The following CNIH3 variants were observed in gnomAD, a reference collection of about 807,000 sequenced individuals.
The protein encoded by CNIH3 is cornichon family AMPA receptor auxiliary protein 3.
A neutral mutation model predicts 24.1 loss-of-function variants in CNIH3; 14 were observed. The ratio of observed to expected loss-of-function variants is 0.58; its 90% confidence interval spans 0.38 to 0.91. The LOEUF (loss-of-function observed/expected upper bound fraction) is 0.91. CNIH3 is among the 40% of genes least tolerant of loss of function. The pLI is 0.00. For missense variants in CNIH3, 178 were observed against 196.8 expected (o/e 0.90, Z 0.57); for synonymous variants, 68 against 73.8 (o/e 0.92, Z 0.40).
chr1:224,491,892 G>A (rs552256392), intron 1 of CNIH3, among the ~76,000 whole-genome samples: 15 of 152,186 alleles, frequency 9.9e-5, no homozygotes, highest in Admixed American at 2.0e-4. Context: ...ATAGGCATGA[G>A]CCACTGCACC....
intron 1 of CNIH3, among the ~76,000 whole-genome samples, chr1:224,450,893 G>A (rs939804953): frequency 3.9e-5 from 6 of 152,262 alleles, no homozygotes; most frequent in African/African-American, 1.4e-4. Flanking sequence ...CTTTGCCCAA[G>A]GCACACAGTT....
intron 1 of CNIH3, among the ~76,000 whole-genome samples, chr1:224,472,130 T>C (rs1379568149): frequency 2.0e-5 from 3 of 152,218 alleles, no homozygotes; most frequent in East Asian, 3.8e-4. Flanking sequence ...ATTTTTGTTT[T>C]TTTGAGGAAC....
intron 1 of CNIH3, among the ~76,000 whole-genome samples, chr1:224,483,599 G>T (rs1676903341): frequency 1.3e-5 from 2 of 150,214 alleles, no homozygotes; most frequent in African/African-American, 4.9e-5. Context: ...GTCTCACTAT[G>T]TTGGCCAGGC....
intron 4 of CNIH3, among the ~76,000 whole-genome samples, chr1:224,579,763 C>G (rs187283058): frequency 1.3e-5 from 2 of 152,298 alleles, no homozygotes; most frequent in East Asian, 1.9e-4. Flanking sequence ...CTTTCCCCCC[C>G]TCTCTCTTTC....
At chr1:224,671,257 G>A (rs1468900172) in intron 1 of CNIH3, among the ~76,000 whole-genome samples, 3 of 152,334 alleles carry the variant, frequency 2.0e-5, no homozygotes, top group South Asian at 2.1e-4. Context: ...ATGGGGTGGA[G>A]TTAGGGCAAG....
At chr1:224,735,137 G>A (rs997622123) in intron 5 of CNIH3, among the ~76,000 whole-genome samples, 3 of 152,090 alleles carry the variant, frequency 2.0e-5, no homozygotes, top group African/African-American at 4.8e-5. Flanking sequence ...CCATAACAGA[G>A]GCCCCAAACT....
intron 2 of CNIH3, among the ~76,000 whole-genome samples, chr1:224,533,918 A>AT (rs1276065177): frequency 6.6e-6 from 1 of 152,210 alleles, no homozygotes; most frequent in Admixed American, 6.5e-5. Flanking sequence ...TAATCCCAGC[A>AT]TTTTGGGAGG....
chr1:224,540,203 G>A (rs1445690027), downstream of CNIH3, among the ~76,000 whole-genome samples: 1 of 152,160 alleles, frequency 6.6e-6, no homozygotes, highest in Non-Finnish European at 1.5e-5. Flanking sequence ...CTGCACTCTC[G>A]TTTCATTTTG....
chr1:224,495,592 G>T (rs1016991506), intron 1 of CNIH3, among the ~76,000 whole-genome samples: 1 of 152,300 alleles, frequency 6.6e-6, no homozygotes, highest in African/African-American at 2.4e-5. Context: ...CAGCAGTGGT[G>T]TCACAAAGAC....
intron 1 of CNIH3, among the ~76,000 whole-genome samples, chr1:224,626,104 G>A (rs1448623239): frequency 6.6e-6 from 1 of 152,146 alleles, no homozygotes; most frequent in Non-Finnish European, 1.5e-5. Flanking sequence ...AGGACCTGGA[G>A]GGTCTTTAGA....
intron 3 of CNIH3, among the ~76,000 whole-genome samples, chr1:224,712,215 T>C (rs547814854): frequency 6.6e-6 from 1 of 152,346 alleles, no homozygotes; most frequent in African/African-American, 2.4e-5. Context: ...CCAAACCTGG[T>C]TGCATATGCA....
rs6677478 is a variant in CNIH3, at chr1:224,668,547, C to G, written c.82-12411C>G. Among the ~76,000 whole-genome samples the G allele has an allele frequency of 1.4e-3, 214 of 152,244 alleles. 1 individual carries two copies. Among genetic ancestry groups the G allele is most frequent in the African/African-American group, 4.6e-3 (192 of 41,526 alleles). On this transcript the variant is annotated intron_variant, in intron 1 of 5. Transcript: ENST00000272133. ...TCTTCTTGGAAGATACTTTGGGGAGCCTTTCTGATGCACATCCACACTTGG... is the reference window on the plus strand; with the variant it reads ...TCTTCTTGGAAGATACTTTGGGGAGGCTTTCTGATGCACATCCACACTTGG...
chr1:224,658,577 A>T (rs2125113694), intron 1 of CNIH3, among the ~76,000 whole-genome samples: 1 of 151,992 alleles, frequency 6.6e-6, no homozygotes, highest in Non-Finnish European at 1.5e-5. Flanking sequence ...TGGAATAGTT[A>T]TTCATTTAGC....
At chr1:224,727,841 A>G (rs1463356743) in intron 3 of CNIH3, among the ~76,000 whole-genome samples, 1 of 152,122 alleles carries the variant, frequency 6.6e-6, no homozygotes, top group South Asian at 2.1e-4. Context: ...TGTTCTAGGC[A>G]TAAGAGGTCA....
chr1:224,709,134 A>T (rs1050287101), intron 3 of CNIH3, among the ~76,000 whole-genome samples: 9 of 152,188 alleles, frequency 5.9e-5, no homozygotes, highest in Non-Finnish European at 1.3e-4. Flanking sequence ...AGTGTGAGCC[A>T]CTTGTGCTCC....
At chr1:224,737,820 G>A (rs960161612) in intron 5 of CNIH3, among the ~76,000 whole-genome samples, 10 of 152,292 alleles carry the variant, frequency 6.6e-5, no homozygotes, top group Middle Eastern at 3.4e-3. Flanking sequence ...GAACCGCATG[G>A]CACCCATCAC....
intron 5 of CNIH3, among the ~76,000 whole-genome samples, chr1:224,737,479 G>A (rs1689654998): frequency 6.6e-6 from 1 of 151,766 alleles, no homozygotes; most frequent in Non-Finnish European, 1.5e-5. Context: ...TGGCCCCTTG[G>A]TGCTCTTTGG....
At chr1:224,715,535 G>A (rs1688381548) in intron 3 of CNIH3, among the ~76,000 whole-genome samples, 1 of 152,152 alleles carries the variant, frequency 6.6e-6, no homozygotes, top group Non-Finnish European at 1.5e-5. Context: ...TTACTATCAA[G>A]GAATACCTGA....
At chr1:224,682,729 C>T (rs933070990) in intron 2 of CNIH3, among the ~76,000 whole-genome samples, 2 of 152,198 alleles carry the variant, frequency 1.3e-5, no homozygotes, top group African/African-American at 2.4e-5. Context: ...CTACCAGGTG[C>T]AGTGAGCGGC....
Sources: gnomAD v4.1 joint callset for allele counts (sites outside exome capture counted in the v4.1 genomes callset) on GRCh38, gnomAD v4.1.1 for gene constraint, MANE v1.5 for transcripts, NCBI Gene and HGNC (gene_info 2026-07-23, HGNC 2026-07-21) for gene names.